DTNA: variants seen among roughly 807,000 people sequenced by gnomAD.
DTNA encodes dystrobrevin alpha.
DTNA carries 43 observed loss-of-function variants against 100.7 expected under a neutral mutation model. The observed-to-expected ratio is 0.43, with a 90% CI of 0.33 to 0.55. The LOEUF (loss-of-function observed/expected upper bound fraction) is 0.55, where lower values mean the gene tolerates loss of function less well. Among genes scored for constraint, DTNA ranks in the 20% least tolerant of loss-of-function variants. The probability of loss-of-function intolerance (pLI) is 0.04; values close to 1 mark genes in which losing one functional copy is unlikely to be tolerated. For missense variants in DTNA, 798 were observed against 953.9 expected (o/e 0.84, Z 2.15); for synonymous variants, 349 against 347.9 (o/e 1.00, Z -0.04).
chr18:34,660,219 G>A lies in DTNA; in HGVS notation c.-1-95757G>A, dbSNP rs550881853. On this transcript the variant is annotated intron_variant, in intron 1 of 19. Coordinates refer to the DTNA transcript ENST00000283365. ...TAAAATTCTAAGCCCCCCAACCATC[G>A]GAATGGACCCCTCCTCTCAGCCAAG... Among the ~76,000 whole-genome samples, 13 of 152,072 alleles carry A rather than the reference G, an allele frequency of 8.5e-5. No homozygotes were observed. In the East Asian group the frequency reaches 2.3e-3, roughly 27 times the overall value.
intron 1 of DTNA, among the ~76,000 whole-genome samples, chr18:34,595,472 G>A (rs1176240320): frequency 3.9e-5 from 6 of 151,974 alleles, no homozygotes; most frequent in African/African-American, 1.2e-4. Flanking sequence ...CAGAAAAAGA[G>A]ACAAATATTT....
At chr18:34,728,352 C>T (rs1431849569) in intron 1 of DTNA, among the ~76,000 whole-genome samples, 2 of 152,024 alleles carry the variant, frequency 1.3e-5, no homozygotes, top group Non-Finnish European at 2.9e-5. Context: ...ATAATAGGCT[C>T]CTCCTGCTGC....
At chr18:34,714,758 G>A (rs35118890) in intron 1 of DTNA, among the ~76,000 whole-genome samples, 9 of 152,068 alleles carry the variant, frequency 5.9e-5, no homozygotes, top group South Asian at 2.1e-4. Context: ...ACATGCACAC[G>A]TATGTTTATT....
rs1431924345 is a variant in DTNA, at chr18:34,891,120, T to TGTAGCC, written c.*3389_*3390insGCCGTA. On this transcript the variant is annotated 3_prime_UTR_variant, in exon 23 of 23. Coordinates refer to ENST00000444659, the MANE Select transcript of DTNA (RefSeq NM_001386795.1). ...GTGTTGCATCTTGAGGCGAATTAAC[T>TGTAGCC]GTAAGACATTTTTAATTATGACTAC... is the stretch of plus-strand genomic sequence containing the variant. 6.6e-6 allele frequency: 1 copy of TGTAGCC among 152,472 alleles called. No homozygotes were observed. The highest frequency in any genetic ancestry group is 1.5e-5 in the Non-Finnish European group (1 of 68,034). 9.4% of individuals were successfully genotyped at this position (152,472 alleles called of 1,614,324 possible).
chr18:34,738,642 G>T (rs923251071), intron 1 of DTNA, among the ~76,000 whole-genome samples: 24 of 151,918 alleles, frequency 1.6e-4, no homozygotes, highest in African/African-American at 4.4e-4. Flanking sequence ...TCTATCTGCC[G>T]TCCCGATGTG....
chr18:34,675,644 C>A (rs1224349996), intron 1 of DTNA, among the ~76,000 whole-genome samples: 2 of 151,828 alleles, frequency 1.3e-5, no homozygotes, highest in Admixed American at 1.3e-4. Flanking sequence ...TGTATTTCAC[C>A]CTACCTTGTT....
In DTNA at chr18:34,882,139, C is replaced by T; in HGVS notation, c.2233C>T (p.Leu745=). The T allele has an allele frequency of 6.2e-7, 1 of 1,614,060 alleles. No individual in the cohort carries two copies. The highest frequency in any genetic ancestry group is 1.1e-5 in the South Asian group (1 of 91,084). The change falls in exon 21 of 23, where the codon CTG becomes TTG. Residue 745 remains leucine (L), a synonymous_variant. Transcript: ENST00000444659. The part of the protein sequence containing the change: ...ENYENDSVRQ[L]ENELQMEEYL... The stretch of plus-strand genomic sequence containing the variant: ...CTATGAAAATGACTCTGTCCGGCAG[C>T]TGGAGAATGAGCTCCAGATGGAGGA...
rs867578425 is a variant in DTNA, at chr18:34,556,740, A to G, written c.-2+63226A>G. 2.0e-3 allele frequency among the ~76,000 whole-genome samples: 301 copies of G among 151,914 alleles called. 1 individual carries two copies. The highest frequency in any genetic ancestry group is 0.014 in the Middle Eastern group (4 of 290). On this transcript the variant is annotated intron_variant, in intron 1 of 19. Coordinates refer to the DTNA transcript ENST00000283365. ...TTGTAGGGTTTCTGCCGAGAGATCC[A>G]CTGTTAGTCTGATGGGCTTCCCTTT...
At chr18:34,866,871 C>G in intron 17 of DTNA, 2 of 1,070,462 alleles carry the variant, frequency 1.9e-6, no homozygotes, top group Non-Finnish European at 2.3e-6. Flanking sequence ...AGGGTCATTA[C>G]ATACTTTTTT....
chr18:34,513,230 G>A (rs1372627152), intron 1 of DTNA, among the ~76,000 whole-genome samples: 2 of 152,042 alleles, frequency 1.3e-5, no homozygotes, highest in Non-Finnish European at 2.9e-5. Context: ...GAAAACACTG[G>A]TTGAGATTGA....
At chr18:34,679,750 G>C (rs928173323) in intron 1 of DTNA, among the ~76,000 whole-genome samples, 1 of 151,992 alleles carries the variant, frequency 6.6e-6, no homozygotes, top group Non-Finnish European at 1.5e-5. Context: ...TTTCAGTTTC[G>C]TACCTTTAGT....
chr18:34,685,295 C>T (rs556945890), intron 1 of DTNA, among the ~76,000 whole-genome samples: 1 of 152,156 alleles, frequency 6.6e-6, no homozygotes, highest in African/African-American at 2.4e-5. Flanking sequence ...GTCTTTAATC[C>T]ATCTTGAGTT....
chr18:34,794,446 G>C (rs2094885107), intron 4 of DTNA, among the ~76,000 whole-genome samples, 196 bp downstream of exon 4: 4 of 152,036 alleles, frequency 2.6e-5, no homozygotes, highest in Admixed American at 2.0e-4. Context: ...AGACTAGAGA[G>C]TAAAATGGTG....
intron 1 of DTNA, among the ~76,000 whole-genome samples, chr18:34,691,089 G>A (rs912833891): frequency 6.6e-6 from 1 of 152,164 alleles, no homozygotes; most frequent in East Asian, 1.9e-4. Flanking sequence ...TAATCACCAA[G>A]TAATTTTAAA....
At chr18:34,536,262 T>C (rs943966516) in intron 1 of DTNA, among the ~76,000 whole-genome samples, 7 of 152,010 alleles carry the variant, frequency 4.6e-5, no homozygotes, top group Non-Finnish European at 8.8e-5. Flanking sequence ...TAAATTTGTC[T>C]TTTTTGAGGC....
chr18:34,691,786 A>C (rs541079999), intron 1 of DTNA, among the ~76,000 whole-genome samples: 1 of 152,162 alleles, frequency 6.6e-6, no homozygotes, highest in African/African-American at 2.4e-5. Flanking sequence ...CCCCTCCCTA[A>C]ATCCCCTTCA....
intron 9 of DTNA, among the ~76,000 whole-genome samples, chr18:34,826,412 A>G (rs1483578082): frequency 1.3e-5 from 2 of 151,974 alleles, no homozygotes; most frequent in African/African-American, 2.4e-5. Flanking sequence ...GAATTTTTGC[A>G]TGTAGTATTG....
At chr18:34,864,381 G>C (rs2096669596) in intron 17 of DTNA, among the ~76,000 whole-genome samples, 1 of 151,828 alleles carries the variant, frequency 6.6e-6, no homozygotes, top group Admixed American at 6.6e-5. Flanking sequence ...CCCCCGCCGA[G>C]TAGCTGGGAC....
chr18:34,602,526 A>G (rs536924101), intron 1 of DTNA, among the ~76,000 whole-genome samples: 54 of 152,278 alleles, frequency 3.5e-4, no homozygotes, highest in African/African-American at 1.3e-3. Flanking sequence ...ACATAGATAG[A>G]TAGAGATATA....
Sources: gnomAD v4.1 joint callset for allele counts (sites outside exome capture counted in the v4.1 genomes callset) on GRCh38, gnomAD v4.1.1 for gene constraint, MANE v1.5 for transcripts, NCBI Gene and HGNC (gene_info 2026-07-23, HGNC 2026-07-21) for gene names.